SMAP1: variants seen among roughly 807,000 people sequenced by gnomAD.
SMAP1 encodes small ArfGAP 1, also known as stromal membrane-associated protein 1.
Under a neutral mutation model 58.5 loss-of-function variants are expected in SMAP1, and 24 were observed. The observed-to-expected ratio is 0.41, with a 90% CI of 0.30 to 0.58. SMAP1 has a LOEUF of 0.58. Among genes scored for constraint, SMAP1 ranks in the 20% least tolerant of loss-of-function variants. The pLI is 0.29. For synonymous variants in SMAP1, 216 were observed against 196.6 expected, an observed-to-expected ratio of 1.10 and a Z score of -0.82; for missense variants, 563 against 566.3, an observed-to-expected ratio of 0.99 and a Z score of 0.06.
chr6:70,808,626 T>C (rs1009350605), intron 6 of SMAP1, among the ~76,000 whole-genome samples: 1 of 152,202 alleles, frequency 6.6e-6, no homozygotes, highest in Admixed American at 6.5e-5. Context: ...AGAGCCTCTT[T>C]TGCCAATACA....
At chr6:70,763,415 G>C (rs1766836572) in intron 3 of SMAP1, among the ~76,000 whole-genome samples, 1 of 152,084 alleles carries the variant, frequency 6.6e-6, no homozygotes, top group Non-Finnish European at 1.5e-5. Context: ...ATAAAAGTTT[G>C]CATTCTGACT....
chr6:70,674,403 A>T (rs186459353), intron 1 of SMAP1, among the ~76,000 whole-genome samples: 7 of 152,168 alleles, frequency 4.6e-5, no homozygotes. Context: ...GTGAGCCACC[A>T]CACCCAGCCC....
intron 6 of SMAP1, among the ~76,000 whole-genome samples, chr6:70,803,172 A>G (rs12198750): frequency 0.24 from 36,519 of 152,036 alleles, 5,437 homozygotes; most frequent in Non-Finnish European, 0.33. Flanking sequence ...TATTGCCTCA[A>G]TTTCAGAGTC....
rs1771645692 is a variant in SMAP1 at position 70,860,116 on chromosome 6, A to G, written c.1270-84A>G. 59 of 1,460,854 alleles carry G rather than the reference A, an allele frequency of 4.0e-5. No homozygotes were observed. The South Asian group carries it at 8.3e-4, about 21-fold the overall frequency. 90.5% of individuals were successfully genotyped at this position (1,460,854 alleles called of 1,614,324 possible). A position where few individuals can be genotyped will look rare whatever the true frequency, so the allele number is the denominator to read the frequency against. On this transcript the variant is annotated intron_variant, in intron 10 of 10. Coordinates refer to ENST00000370455, the MANE Select transcript of SMAP1 (RefSeq NM_001044305.3). Reference sequence around the variant, plus strand: ...CTTGGACTAGTTGTCACATTAATGAAAAAATGACCAACTGTGTGGCTAAAG... The same window carrying G: ...CTTGGACTAGTTGTCACATTAATGAGAAAATGACCAACTGTGTGGCTAAAG...
intron 1 of SMAP1, among the ~76,000 whole-genome samples, chr6:70,687,048 C>T (rs922717554): frequency 1.3e-5 from 2 of 152,118 alleles, no homozygotes; most frequent in African/African-American, 2.4e-5. Flanking sequence ...GTGTGGAAGT[C>T]ACTAGCCATA....
chr6:70,802,222 G>GTAGTTC (rs1437020858), intron 6 of SMAP1, among the ~76,000 whole-genome samples: 1 of 152,130 alleles, frequency 6.6e-6, no homozygotes, highest in Non-Finnish European at 1.5e-5. Context: ...CCTTGACGAG[G>GTAGTTC]TCCTTTACAT....
intron 1 of SMAP1, among the ~76,000 whole-genome samples, chr6:70,702,892 A>G (rs1036186047): frequency 1.3e-5 from 2 of 152,124 alleles, no homozygotes; most frequent in African/African-American, 4.8e-5. Context: ...TTGGCCTTCC[A>G]AAGTGCTGGG....
At chr6:70,859,205 C>A in intron 10 of SMAP1, 1 of 609,390 alleles carries the variant, frequency 1.6e-6, no homozygotes. Context: ...TCTCTACCCG[C>A]TGGGAATCTA....
chr6:70,673,175 A>G (rs1441569498), intron 1 of SMAP1, among the ~76,000 whole-genome samples: 3 of 152,194 alleles, frequency 2.0e-5, no homozygotes, highest in Non-Finnish European at 2.9e-5. Flanking sequence ...GGAGGAGGGA[A>G]AGTCAGGGAG....
intron 3 of SMAP1, among the ~76,000 whole-genome samples, chr6:70,772,342 G>A (rs1467798844): frequency 6.6e-6 from 1 of 152,164 alleles, no homozygotes; most frequent in Non-Finnish European, 1.5e-5. Flanking sequence ...GACTGAAACT[G>A]TATTGTATTA....
chr6:70,735,615 G>A (rs148665535), intron 2 of SMAP1, among the ~76,000 whole-genome samples: 28 of 152,180 alleles, frequency 1.8e-4, no homozygotes, highest in Non-Finnish European at 3.7e-4. Flanking sequence ...CTAAAAATAC[G>A]AAAATTAGCA....
At chr6:70,840,659 C>T (rs1355939462) in intron 7 of SMAP1, among the ~76,000 whole-genome samples, 2 of 152,176 alleles carry the variant, frequency 1.3e-5, no homozygotes, top group Non-Finnish European at 2.9e-5. Context: ...CCAATAGTAC[C>T]TACAAGAGCT....
At chr6:70,746,101 A>G (rs1043536864) in intron 2 of SMAP1, among the ~76,000 whole-genome samples, 2 of 152,184 alleles carry the variant, frequency 1.3e-5, no homozygotes, top group African/African-American at 2.4e-5. Context: ...CTAAATATAC[A>G]ATCATGTCAT....
At chr6:70,809,313 A>C (rs1176682626) in intron 6 of SMAP1, among the ~76,000 whole-genome samples, 1 of 152,222 alleles carries the variant, frequency 6.6e-6, no homozygotes, top group Non-Finnish European at 1.5e-5. Context: ...TTAGTTGGGA[A>C]AGAAATGAAA....
chr6:70,668,756 G>T lies in SMAP1; in HGVS notation c.118+615G>T, dbSNP rs987984368. 2.3e-5 allele frequency: 35 copies of T among 1,530,110 alleles called. No individual in the cohort carries two copies. The African/African-American group carries it at 4.1e-4, about 18-fold the overall frequency. The allele number at this position is 1,530,110 out of a possible 1,614,324, so 94.8% of individuals were successfully genotyped here. A position where few individuals can be genotyped will look rare whatever the true frequency, so the allele number is the denominator to read the frequency against. ...TACGGAATAAATTAATTGGAGAAAG[G>T]TCTTTATTAGTAGTAGTATTGTTTT... On this transcript the variant is annotated intron_variant, in intron 1 of 10. Transcript: ENST00000370455.
intron 1 of SMAP1, chr6:70,668,443 A>G (rs1766127192): frequency 2.3e-6 from 3 of 1,314,858 alleles, no homozygotes; most frequent in Admixed American, 2.9e-5. Flanking sequence ...GGCTGGGGGT[A>G]GGAGCGAGGC....
chr6:70,857,401 AT>A (rs1225840406), intron 9 of SMAP1: 1 of 170,408 alleles, frequency 5.9e-6, no homozygotes, highest in African/African-American at 2.4e-5. Context: ...ATTAAAAAAA[AT>A]CTATGAATTT....
At position 70,843,572 on chromosome 6, in the gene SMAP1, G is replaced by T. The variant is rs188597535; in HGVS notation, c.664+6544G>T. ...GATTTAGACTGAGTAGTCTGACTTC[G>T]GGGCTCAGATTCTTAACACTATGTT... On this transcript the variant is annotated intron_variant, in intron 7 of 10. Transcript: ENST00000370455. Among the ~76,000 whole-genome samples, 278 of 152,230 alleles carry T rather than the reference G, an allele frequency of 1.8e-3. 3 individuals carry two copies. Among genetic ancestry groups the T allele is most frequent in the South Asian group, 0.01 (50 of 4,818 alleles).
chr6:70,768,607 T>G (rs570364052), intron 3 of SMAP1, among the ~76,000 whole-genome samples: 1 of 152,094 alleles, frequency 6.6e-6, no homozygotes, highest in Non-Finnish European at 1.5e-5. Context: ...TCCCCTTTAT[T>G]ATTTTTTATT....
Sources: gnomAD v4.1 joint callset for allele counts (sites outside exome capture counted in the v4.1 genomes callset) on GRCh38, gnomAD v4.1.1 for gene constraint, MANE v1.5 for transcripts, NCBI Gene and HGNC (gene_info 2026-07-23, HGNC 2026-07-21) for gene names.